MOCOS: variants seen among roughly 807,000 people sequenced by gnomAD.
MOCOS encodes human molybdenum cofactor sulfurase.
In MOCOS, 86 loss-of-function variants were observed where a neutral mutation model predicts 83.6. That is an observed-to-expected ratio of 1.03 (90% CI 0.86 to 1.23). The LOEUF is 1.23. MOCOS is among the 50% of genes most tolerant of loss of function. MOCOS has a pLI of 0.00. For synonymous variants in MOCOS, 445 were observed against 434.7 expected, an observed-to-expected ratio of 1.02 and a Z score of -0.29; for missense variants, 1,120 against 1,126.9, an observed-to-expected ratio of 0.99 and a Z score of 0.09.
intron 1 of MOCOS, among the ~76,000 whole-genome samples, chr18:36,191,724 G>T (rs2091366878): frequency 6.7e-6 from 1 of 148,470 alleles, no homozygotes; most frequent in Non-Finnish European, 1.5e-5. Context: ...ATGAGTCACT[G>T]TGTCCAGTAC....
intron 9 of MOCOS, among the ~76,000 whole-genome samples, chr18:36,246,091 C>G (rs1301573207): frequency 6.6e-6 from 1 of 152,154 alleles, no homozygotes; most frequent in African/African-American, 2.4e-5. Context: ...CCTTAAGTAG[C>G]TTAATAGTCA....
intron 11 of MOCOS, 42 bp downstream of exon 11, chr18:36,251,325 G>A (rs1204407306): frequency 6.2e-7 from 1 of 1,609,322 alleles, no homozygotes; most frequent in East Asian, 2.2e-5. Context: ...AGGAACCCTG[G>A]CTTACCCTTG....
At position 36,268,792 on chromosome 18, in the gene MOCOS, T is replaced by C. The variant is rs1284855072; in HGVS notation, c.*107T>C. ...ATGTTTTGAATAAGGAGAGCTCTTTTTCTTTAGAGGCAGGGAATGCTCTCA... is the reference window on the plus strand; with the variant it reads ...ATGTTTTGAATAAGGAGAGCTCTTTCTCTTTAGAGGCAGGGAATGCTCTCA... On this transcript the variant is annotated 3_prime_UTR_variant, in exon 15 of 15. Coordinates refer to ENST00000261326, the MANE Select transcript of MOCOS (RefSeq NM_017947.4). 4.1e-6 allele frequency: 4 copies of C among 966,948 alleles called. No homozygotes were observed. The highest frequency in any genetic ancestry group is 6.4e-6 in the Non-Finnish European group (4 of 628,608). The allele number at this position is 966,948 out of a possible 1,614,324, so 59.9% of individuals were successfully genotyped here. A position where few individuals can be genotyped will look rare whatever the true frequency, so the allele number is the denominator to read the frequency against.
chr18:36,239,156 TG>T (rs1404555695), intron 9 of MOCOS, among the ~76,000 whole-genome samples: 7 of 151,934 alleles, frequency 4.6e-5, no homozygotes, highest in Non-Finnish European at 1.0e-4. Context: ...TAGTGTTATG[TG>T]TGAATTTGAT....
rs149198061 is a variant in MOCOS at position 36,215,696 on chromosome 18, G to T, written c.1516G>T (p.Gly506Trp). 400 of 1,614,092 alleles carry T rather than the reference G, an allele frequency of 2.5e-4. 1 individual carries two copies. In the South Asian group the frequency reaches 2.8e-3, roughly 11 times the overall value. ...TGTCCCTCAGGCCCATGCTGACACC[G>T]GGGAGACTGGAGCCCCATCAGCAGA... The part of the protein sequence containing the change: ...WPVPQAHADT[G>W]ETGAPSADSQ... The change falls in exon 8 of 15, where the codon GGG becomes TGG. Residue 506 changes from glycine (G) to tryptophan (W), a missense_variant. Coordinates refer to ENST00000261326, the MANE Select transcript of MOCOS (RefSeq NM_017947.4).
intron 6 of MOCOS, among the ~76,000 whole-genome samples, chr18:36,213,110 G>A (rs1162295006): frequency 6.6e-6 from 1 of 152,196 alleles, no homozygotes; most frequent in Non-Finnish European, 1.5e-5. Flanking sequence ...CTGAGGCGGG[G>A]CTGCTCGGAA....
Position 36,205,140 on chromosome 18 carries a change from C to T in MOCOS, c.1082C>T (p.Ser361Phe). 6.2e-7 allele frequency: 1 copy of T among 1,613,784 alleles called. No homozygotes were observed. The highest frequency in any genetic ancestry group is 8.5e-7 in the Non-Finnish European group (1 of 1,179,822). The change falls in exon 6 of 15, where the codon TCC (serine) becomes TTC (phenylalanine). Residue 361 changes from serine to phenylalanine, a missense_variant. Transcript: ENST00000261326. ...TLAQYTYVAL[S>F]SLQYPNGAPV... ...GCTCAGTATACCTACGTGGCCCTGT[C>T]CTCTCTCCAGTACCCCAATGGAGCC...
At chr18:36,241,050 A>G (rs1394729434) in intron 9 of MOCOS, among the ~76,000 whole-genome samples, 1 of 152,290 alleles carries the variant, frequency 6.6e-6, no homozygotes, top group East Asian at 1.9e-4. Flanking sequence ...CCCTAGTGAG[A>G]TGAACCCAGT....
intron 2 of MOCOS, 130 bp from the exon 3 acceptor site, chr18:36,198,560 G>T: frequency 1.2e-6 from 1 of 855,536 alleles, no homozygotes; most frequent in Non-Finnish European, 2.0e-6. Flanking sequence ...AAATCTAGGA[G>T]TGGAATTGTT....
At chr18:36,225,290 T>C (rs941098552) in intron 9 of MOCOS, among the ~76,000 whole-genome samples, 1 of 152,124 alleles carries the variant, frequency 6.6e-6, no homozygotes, top group African/African-American at 2.4e-5. Flanking sequence ...TAGCTGGGAC[T>C]ACAGGTGCGC....
In MOCOS at chr18:36,268,691, A is replaced by AT. The variant is rs779680874; in HGVS notation, c.*11dup. 6.7e-6 allele frequency: 10 copies of AT among 1,503,320 alleles called. 1 individual carries two copies. The South Asian group carries it at 7.9e-5, about 12-fold the overall frequency. 93.1% of individuals were successfully genotyped at this position (1,503,320 alleles called of 1,614,324 possible). ...ACCAGGATGTTACCTCCTAAAAAAA[A>AT]TTTTTAGCATAAAGTTTCTCTTTTA... On this transcript the variant is annotated 3_prime_UTR_variant, in exon 15 of 15. Coordinates refer to ENST00000261326, the MANE Select transcript of MOCOS (RefSeq NM_017947.4).
At chr18:36,255,688 G>T (rs190941765) in intron 11 of MOCOS, among the ~76,000 whole-genome samples, 1 of 152,066 alleles carries the variant, frequency 6.6e-6, no homozygotes, top group African/African-American at 2.4e-5. Context: ...ATCCGTTTGC[G>T]TCTACTCTGG....
At chr18:36,259,047 T>G (rs1395609889) in intron 12 of MOCOS, among the ~76,000 whole-genome samples, 3 of 139,190 alleles carry the variant, frequency 2.2e-5, no homozygotes, top group African/African-American at 8.2e-5. Context: ...AGAGAAGTTT[T>G]AAGATGTATT....
chr18:36,210,002 C>G (rs1401746207), intron 6 of MOCOS, among the ~76,000 whole-genome samples: 1 of 152,082 alleles, frequency 6.6e-6, no homozygotes, highest in African/African-American at 2.4e-5. Context: ...CTGTACCCGG[C>G]TGGATTAGCT....
chr18:36,193,184 G>T (rs1051970050), intron 1 of MOCOS, among the ~76,000 whole-genome samples: 4 of 150,514 alleles, frequency 2.7e-5, no homozygotes, highest in Non-Finnish European at 5.9e-5. Flanking sequence ...GGTGGCGGGC[G>T]CCTGTAGTCC....
intron 9 of MOCOS, among the ~76,000 whole-genome samples, chr18:36,248,175 G>C (rs2144136906): frequency 1.3e-5 from 2 of 151,700 alleles, no homozygotes; most frequent in South Asian, 4.2e-4. Context: ...TTGTGGTTTT[G>C]GTTTGCATTC....
chr18:36,229,799 T>C (rs1167017384), intron 9 of MOCOS, among the ~76,000 whole-genome samples: 4 of 152,020 alleles, frequency 2.6e-5, no homozygotes, highest in Non-Finnish European at 4.4e-5. Context: ...ACCTCTCTTA[T>C]AATAAATTTT....
intron 9 of MOCOS, among the ~76,000 whole-genome samples, chr18:36,232,855 T>TACACACACACACACAC (rs71168208): frequency 7.1e-4 from 105 of 147,926 alleles, no homozygotes; most frequent in African/African-American, 1.0e-3. Context: ...AATATTCCAT[T>TACACACACACACACAC]ACACACACAC....
chr18:36,247,214 G>C (rs1248097604), intron 9 of MOCOS, among the ~76,000 whole-genome samples: 2 of 152,182 alleles, frequency 1.3e-5, no homozygotes, highest in African/African-American at 4.8e-5. Flanking sequence ...TGCCTCCCCA[G>C]CAGCACTGAG....
Sources: allele counts gnomAD v4.1 joint callset (sites outside exome capture counted in the v4.1 genomes callset), GRCh38; gene constraint gnomAD v4.1.1; transcripts MANE v1.5; gene names NCBI Gene and HGNC (gene_info 2026-07-23, HGNC 2026-07-21).